The following LRP1B variants were observed in gnomAD, a reference collection of about 807,000 sequenced individuals.
The protein encoded by LRP1B is LDL receptor related protein 1B.
LRP1B carries 217 observed loss-of-function variants against 556.6 expected under a neutral mutation model. That is an observed-to-expected ratio of 0.39 (90% CI 0.35 to 0.44). The LOEUF is 0.44. Among genes scored for constraint, LRP1B ranks in the 20% least tolerant of loss-of-function variants. The probability of loss-of-function intolerance (pLI) is 1.00; values close to 1 mark genes in which losing one functional copy is unlikely to be tolerated. For missense variants in LRP1B, 5,053 were observed against 5,620.8 expected (o/e 0.90, Z 3.23); for synonymous variants, 2,047 against 1,865.8 (o/e 1.10, Z -2.50).
intron 86 of LRP1B, among the ~76,000 whole-genome samples, chr2:140,251,304 ACT>A (rs1681403107): frequency 6.6e-6 from 1 of 151,774 alleles, no homozygotes; most frequent in African/African-American, 2.4e-5. Context: ...TAAAATAATA[ACT>A]CTGAAATAGT....
At chr2:141,407,175 T>C (rs2104935991) in intron 3 of LRP1B, among the ~76,000 whole-genome samples, 1 of 152,290 alleles carries the variant, frequency 6.6e-6, no homozygotes. Context: ...TGGTTCTAAA[T>C]ATATTCTATA....
At chr2:140,482,821 G>A (rs1307761887) in intron 59 of LRP1B, among the ~76,000 whole-genome samples, 1 of 151,966 alleles carries the variant, frequency 6.6e-6, no homozygotes, top group East Asian at 1.9e-4. Context: ...CTAAATATCA[G>A]GACAGAAATC....
chr2:141,447,971 A>G (rs1161225338), intron 3 of LRP1B, among the ~76,000 whole-genome samples: 1 of 152,194 alleles, frequency 6.6e-6, no homozygotes, highest in Non-Finnish European at 1.5e-5. Flanking sequence ...CTGTCTTCAG[A>G]GCTGGTAGGC....
At chr2:141,071,955 A>C (rs1558840510) in intron 7 of LRP1B, among the ~76,000 whole-genome samples, 1 of 152,166 alleles carries the variant, frequency 6.6e-6, no homozygotes, top group African/African-American at 2.4e-5. Context: ...ATTCAATGCC[A>C]TTCCCATCAA....
chr2:140,554,699 C>A (rs1193156524), intron 43 of LRP1B, among the ~76,000 whole-genome samples: 2 of 151,958 alleles, frequency 1.3e-5, no homozygotes, highest in African/African-American at 2.4e-5. Context: ...GTAATTGTAT[C>A]TTTTTATTTT....
intron 25 of LRP1B, among the ~76,000 whole-genome samples, chr2:140,876,598 C>G (rs1182924518): frequency 6.6e-6 from 1 of 152,072 alleles, no homozygotes; most frequent in African/African-American, 2.4e-5. Flanking sequence ...GGTTCCTGAC[C>G]TGGGGTGAGT....
chr2:140,450,686 A>T (rs1301693732), intron 62 of LRP1B, 25 bp from the exon 63 acceptor site: 1 of 1,550,744 alleles, frequency 6.4e-7, no homozygotes, highest in Non-Finnish European at 8.8e-7. Flanking sequence ...AAAGAAAAAA[A>T]AATGTTGAAG....
intron 23 of LRP1B, among the ~76,000 whole-genome samples, chr2:140,897,235 C>T (rs1187446994): frequency 3.3e-5 from 5 of 152,190 alleles, no homozygotes; most frequent in African/African-American, 1.2e-4. Context: ...TTTGTTGGGG[C>T]TCAGAAAACA....
At chr2:140,290,378 C>T (rs1021073650) in intron 84 of LRP1B, among the ~76,000 whole-genome samples, 3 of 151,924 alleles carry the variant, frequency 2.0e-5, no homozygotes, top group Non-Finnish European at 4.4e-5. Context: ...CTGCATTAAT[C>T]CAGACAAGGG....
At chr2:141,198,600 G>C (rs1341071628) in intron 6 of LRP1B, among the ~76,000 whole-genome samples, 1 of 151,872 alleles carries the variant, frequency 6.6e-6, no homozygotes, top group Non-Finnish European at 1.5e-5. Context: ...TTTTTGTTTG[G>C]GGGAGGAGGC....
chr2:141,307,888 C>T (rs982454714), intron 3 of LRP1B, among the ~76,000 whole-genome samples: 2 of 152,060 alleles, frequency 1.3e-5, no homozygotes, highest in Non-Finnish European at 2.9e-5. Context: ...AGGTGTGGCA[C>T]GGGTGATGGC....
At chr2:141,718,141 ACT>A (rs1199168005) in intron 2 of LRP1B, among the ~76,000 whole-genome samples, 2 of 152,032 alleles carry the variant, frequency 1.3e-5, no homozygotes, top group African/African-American at 4.8e-5. Flanking sequence ...GGAGAGAAAG[ACT>A]CTTTGCACAC....
chr2:141,447,274 GTTC>G (rs61529862), intron 3 of LRP1B, among the ~76,000 whole-genome samples: 21,938 of 151,588 alleles, frequency 0.14, 1,761 homozygotes, highest in South Asian at 0.27. Context: ...GTTCATTTAT[GTTC>G]TTCTCTAAAC....
intron 35 of LRP1B, among the ~76,000 whole-genome samples, chr2:140,729,114 C>A (rs1687691275): frequency 6.6e-6 from 1 of 151,638 alleles, no homozygotes; most frequent in South Asian, 2.1e-4. Context: ...ATTTTCTTTG[C>A]AAAATAAAAA....
chr2:141,001,425 C>T (rs1236306970), intron 15 of LRP1B, among the ~76,000 whole-genome samples: 1 of 151,958 alleles, frequency 6.6e-6, no homozygotes, highest in East Asian at 1.9e-4. Flanking sequence ...CACCCGTTAA[C>T]TTGTTATTTA....
rs192043017 is a variant in LRP1B at position 141,550,565 on chromosome 2, G to A, written c.206-70032C>T. On this transcript the variant is annotated intron_variant, in intron 2 of 90. Transcript: ENST00000389484. Reference sequence around the variant, plus strand: ...CTAGAATTAGAATTATTGGCTCTGCGTTATCCAAAGGCTTCAAATTACCCT... The same window carrying A: ...CTAGAATTAGAATTATTGGCTCTGCATTATCCAAAGGCTTCAAATTACCCT... Among the ~76,000 whole-genome samples the A allele has an allele frequency of 2.4e-3, 362 of 152,124 alleles. 3 individuals are homozygous for A. The highest frequency in any genetic ancestry group is 6.6e-3 in the African/African-American group (275 of 41,534).
chr2:140,285,012 C>CTG (rs386391339), intron 84 of LRP1B, among the ~76,000 whole-genome samples: 205 of 140,912 alleles, frequency 1.5e-3, no homozygotes, highest in East Asian at 6.8e-3. Context: ...AGATATCTCT[C>CTG]TGTGTGTGTG....
intron 2 of LRP1B, among the ~76,000 whole-genome samples, chr2:141,572,264 G>A (rs2105265114): frequency 6.6e-6 from 1 of 152,260 alleles, no homozygotes; most frequent in East Asian, 1.9e-4. Context: ...AGAAGAGATT[G>A]GGGGTCAATA....
chr2:141,801,291 G>T (rs555578545), intron 2 of LRP1B, among the ~76,000 whole-genome samples: 1 of 152,182 alleles, frequency 6.6e-6, no homozygotes, highest in East Asian at 1.9e-4. Context: ...GCATGTGTGT[G>T]TTTCTATATA....
Sources: gnomAD v4.1 joint callset for allele counts (sites outside exome capture counted in the v4.1 genomes callset) on GRCh38, gnomAD v4.1.1 for gene constraint, MANE v1.5 for transcripts, NCBI Gene and HGNC (gene_info 2026-07-23, HGNC 2026-07-21) for gene names.